ARHGAP5: variants seen among roughly 807,000 people sequenced by gnomAD.
ARHGAP5 encodes the protein Rho GTPase activating protein 5.
Under a neutral mutation model 116.6 loss-of-function variants are expected in ARHGAP5, and 23 were observed. The observed-to-expected ratio is 0.20, with a 90% CI of 0.14 to 0.28. The LOEUF (loss-of-function observed/expected upper bound fraction) is 0.28. Ranked by LOEUF, ARHGAP5 falls within the 10% of genes least tolerant of loss-of-function variation. ARHGAP5 has a pLI of 1.00. For missense variants in ARHGAP5, 1,405 were observed against 1,774.8 expected, an observed-to-expected ratio of 0.79 and a Z score of 3.74; for synonymous variants, 574 against 602.0, an observed-to-expected ratio of 0.95 and a Z score of 0.68.
chr14:32,080,780 T>C (rs1334733127), intron 1 of ARHGAP5, among the ~76,000 whole-genome samples: 2 of 151,860 alleles, frequency 1.3e-5, no homozygotes, highest in African/African-American at 4.9e-5. Context: ...GGATAATTTT[T>C]TTTTTCCCCC....
intron 3 of ARHGAP5, among the ~76,000 whole-genome samples, chr14:32,140,687 A>G (rs1032645151): frequency 6.6e-6 from 1 of 152,092 alleles, no homozygotes; most frequent in Non-Finnish European, 1.5e-5. Flanking sequence ...CAGAGAACAT[A>G]CTCTCTATTA....
At chr14:32,132,688 A>C (rs971555490) in intron 3 of ARHGAP5, among the ~76,000 whole-genome samples, 12 of 143,836 alleles carry the variant, frequency 8.3e-5, no homozygotes, top group African/African-American at 2.4e-4. Context: ...GGTAATGCCT[A>C]GGTTTTCTTC....
chr14:32,138,412 T>C lies in ARHGAP5; in HGVS notation c.3866-7851T>C, dbSNP rs529737617. Among the ~76,000 whole-genome samples, 5 of 152,244 alleles carry C rather than the reference T, an allele frequency of 3.3e-5. No homozygotes were observed. In the South Asian group the frequency reaches 8.3e-4, roughly 25 times the overall value. On this transcript the variant is annotated intron_variant, in intron 3 of 6. Transcript: ENST00000345122. ...AATTCTCTTGCCTCAGCTTCCCGAG[T>C]AGCTGGGATTACAGGTGGGTGCCAC...
intron 3 of ARHGAP5, among the ~76,000 whole-genome samples, chr14:32,127,895 G>T (rs1210322490): frequency 6.7e-6 from 1 of 149,906 alleles, no homozygotes; most frequent in Non-Finnish European, 1.5e-5. Context: ...CAGACGGGGC[G>T]GCTGGGCAGA....
Position 32,094,246 on chromosome 14 carries a change from C to T in ARHGAP5, c.3577C>T (p.Arg1193Cys), listed in dbSNP as rs201734513. ...TAAAACAAAAAGAAAAGGAAGACAT[C>T]GTGGAAGTGAAGAAGATCCACTTCT... ...TSKTKRKGRHRGSEEDPLLSP... is the reference protein window; with the variant it reads ...TSKTKRKGRHCGSEEDPLLSP... Residue 1193 changes from arginine to cysteine, a missense_variant, in exon 2 of 7, where the codon CGT (arginine) becomes TGT (cysteine). By Grantham distance (180) the Arg-to-Cys change is radical. Around this residue, in one of 6 missense-constraint regions of ARHGAP5, gnomAD observed 944 missense variants for 1,095.3 expected, o/e 0.86. Coordinates refer to ENST00000345122, the MANE Select transcript of ARHGAP5 (RefSeq NM_001030055.2). 3.7e-5 allele frequency: 59 copies of T among 1,613,518 alleles called. No homozygotes were observed. In the Middle Eastern group the frequency reaches 6.8e-4, roughly 19 times the overall value.
chr14:32,093,166 A>G lies in ARHGAP5; in HGVS notation c.2497A>G (p.Ile833Val), dbSNP rs1280952103. 5.0e-6 allele frequency: 8 copies of G among 1,614,026 alleles called. No individual in the cohort carries two copies. Among genetic ancestry groups the G allele is most frequent in the East Asian group, 2.2e-5 (1 of 44,878 alleles). ...GEKRRRIQIT[I>V]LSYHSSIGVR... ...AAAAAGGAGGCGAATACAGATCACAATATTATCATACCACTCTTCAATTGG... is the reference window on the plus strand; with the variant it reads ...AAAAAGGAGGCGAATACAGATCACAGTATTATCATACCACTCTTCAATTGG... The change falls in exon 2 of 7, where the codon ATA (isoleucine) becomes GTA (valine). Residue 833 changes from isoleucine to valine, a missense_variant. Around this residue, in one of 6 missense-constraint regions of ARHGAP5, gnomAD observed 944 missense variants for 1,095.3 expected, o/e 0.86. Coordinates refer to ENST00000345122, the MANE Select transcript of ARHGAP5 (RefSeq NM_001030055.2).
chr14:32,131,747 A>G (rs1179661159), intron 3 of ARHGAP5, among the ~76,000 whole-genome samples: 1 of 151,418 alleles, frequency 6.6e-6, no homozygotes, highest in Admixed American at 6.6e-5. Flanking sequence ...CCCCAACCCC[A>G]CAACAGTCCC....
chr14:32,107,559 G>A (rs1015332944), intron 2 of ARHGAP5, among the ~76,000 whole-genome samples: 1 of 152,162 alleles, frequency 6.6e-6, no homozygotes, highest in African/African-American at 2.4e-5. Flanking sequence ...AATGTGACCA[G>A]ATTTTAAATA....
At position 32,091,259 on chromosome 14, in the gene ARHGAP5, C is replaced by T. The variant is rs1878228520; in HGVS notation, c.590C>T (p.Ala197Val). The change falls in exon 2 of 7, where the codon GCA becomes GTA. Residue 197 changes from alanine (A) to valine (V), a missense_variant. By Grantham distance (64) the Ala-to-Val change is moderately conservative. Around this residue, in one of 6 missense-constraint regions of ARHGAP5, gnomAD observed 190 missense variants for 314.9 expected, o/e 0.60. Coordinates refer to ENST00000345122, the MANE Select transcript of ARHGAP5 (RefSeq NM_001030055.2). ...AAATCAAAAAAACCTGTAATAATAGCAGCAACTAAATGTGATGAATGCGTG... is the reference window on the plus strand; with the variant it reads ...AAATCAAAAAAACCTGTAATAATAGTAGCAACTAAATGTGATGAATGCGTG... ...LSKSKKPVII[A>V]ATKCDECVDH... The T allele has an allele frequency of 1.1e-5, 17 of 1,612,344 alleles. No homozygotes were observed. Among genetic ancestry groups the T allele is most frequent in the Non-Finnish European group, 1.2e-5 (14 of 1,179,300 alleles).
At chr14:32,139,274 G>T (rs1880972177) in intron 3 of ARHGAP5, among the ~76,000 whole-genome samples, 2 of 152,048 alleles carry the variant, frequency 1.3e-5, no homozygotes, top group Admixed American at 6.6e-5. Context: ...AGAAGAGTTT[G>T]AGATCAATTA....
At chr14:32,134,871 G>T (rs929671488) in intron 3 of ARHGAP5, among the ~76,000 whole-genome samples, 6 of 152,126 alleles carry the variant, frequency 3.9e-5, no homozygotes, top group African/African-American at 1.4e-4. Context: ...TTGCTATTGG[G>T]CCTGAGCCAT....
chr14:32,122,854 T>G (rs1299827362), intron 3 of ARHGAP5, among the ~76,000 whole-genome samples: 1 of 152,218 alleles, frequency 6.6e-6, no homozygotes, highest in Admixed American at 6.5e-5. Flanking sequence ...TCTATTGATC[T>G]GTATGTCTGT....
In ARHGAP5 at chr14:32,155,650, C is replaced by T. The variant is rs569008074; in HGVS notation, c.*702C>T. 6.5e-6 allele frequency: 1 copy of T among 152,692 alleles called. No individual in the cohort carries two copies. The highest frequency in any genetic ancestry group is 2.1e-4 in the South Asian group (1 of 4,820). The allele number at this position is 152,692 out of a possible 1,614,324, so 9.5% of individuals were successfully genotyped here. ...GTGCAAAGGATAGTTGTCACCAACT[C>T]ATTTCTTTATGGTCCATAATGAAAT... On this transcript the variant is annotated 3_prime_UTR_variant, in exon 7 of 7. Transcript: ENST00000345122.
At chr14:32,100,844 G>C (rs1878759979) in intron 2 of ARHGAP5, among the ~76,000 whole-genome samples, 1 of 152,148 alleles carries the variant, frequency 6.6e-6, no homozygotes, top group African/African-American at 2.4e-5. Context: ...AGAACTGCTT[G>C]AAATTTCCTG....
chr14:32,149,773 CAAA>C, intron 4 of ARHGAP5, 126 bp from the exon 5 acceptor site: 1 of 400,230 alleles, frequency 2.5e-6, no homozygotes, highest in Non-Finnish European at 4.0e-6. Context: ...AACTCAGTCT[CAAA>C]AAAAAAAAGA....
intron 2 of ARHGAP5, among the ~76,000 whole-genome samples, chr14:32,111,411 G>A (rs1879290259): frequency 6.6e-6 from 1 of 151,888 alleles, no homozygotes; most frequent in Non-Finnish European, 1.5e-5. Flanking sequence ...TGAAGAGACT[G>A]ACTGCTGAAA....
In ARHGAP5 at chr14:32,117,294, T is replaced by C. The variant is rs1234619991; in HGVS notation, c.3865+7T>C. 2.1e-5 allele frequency: 33 copies of C among 1,569,276 alleles called. No homozygotes were observed. Among genetic ancestry groups the C allele is most frequent in the Middle Eastern group, 1.7e-4 (1 of 5,914 alleles). ...GAATTTATTGAAGATACAGGTAGGA[T>C]AGAAGAATCATTGCAAGAGATTTGA... On this transcript the variant is annotated splice_region_variant and intron_variant, in intron 3 of 6. Transcript: ENST00000345122.
At chr14:32,077,492 C>T (rs2041718528) in intron 1 of ARHGAP5, 57 bp downstream of exon 1, 1 of 682,104 alleles carries the variant, frequency 1.5e-6, no homozygotes, top group Admixed American at 2.1e-5. Flanking sequence ...CGGACGGGGA[C>T]CCTCCTGCGG....
intron 3 of ARHGAP5, among the ~76,000 whole-genome samples, chr14:32,140,295 T>C: frequency 6.6e-6 from 1 of 151,924 alleles, no homozygotes; most frequent in Non-Finnish European, 1.5e-5. Context: ...AAGAATGTGT[T>C]GTTTGGCCGA....
Sources: gnomAD v4.1 joint callset for allele counts (sites outside exome capture counted in the v4.1 genomes callset) on GRCh38, gnomAD v4.1.1 for gene constraint, gnomAD v4.1.1 regional missense constraint, MANE v1.5 for transcripts, NCBI Gene and HGNC (gene_info 2026-07-23, HGNC 2026-07-21) for gene names.